PPP1R3D: variants seen among roughly 807,000 people sequenced by gnomAD.
The protein encoded by PPP1R3D is protein phosphatase 1 regulatory subunit 3D.
In PPP1R3D, 27 loss-of-function variants were observed where a neutral mutation model predicts 16.3. The observed-to-expected ratio is 1.66, with a 90% confidence interval of 1.22 to 2.29. The LOEUF (loss-of-function observed/expected upper bound fraction) is 2.29, where lower values mean the gene tolerates loss of function less well. PPP1R3D is among the 30% of genes most tolerant of loss of function. PPP1R3D has a pLI of 0.00. For synonymous variants in PPP1R3D, 223 were observed against 209.7 expected, an observed-to-expected ratio of 1.06 and a Z score of -0.55; for missense variants, 472 against 438.3, an observed-to-expected ratio of 1.08 and a Z score of -0.69.
chr20:59,939,868 G>T lies in PPP1R3D; in HGVS notation c.64C>A (p.Arg22=). The change falls in exon 1 of 1, where the codon CGG becomes AGG. Residue 22 remains arginine, a synonymous_variant. Transcript: ENST00000370996. ...AGGTCCGACAGGCAGCTGAGGCTCC[G>T]GGGGCCGAGCTTCCGGGATCCCAGG... The part of the protein sequence containing the change: ...SALGSRKLGP[R]SLSCLSDLDG... 1 of 1,246,810 alleles carries T rather than the reference G, an allele frequency of 8.0e-7. No homozygotes were observed. Among genetic ancestry groups the T allele is most frequent in the South Asian group, 3.9e-5 (1 of 25,932 alleles). The allele number at this position is 1,246,810 out of a possible 1,614,324, so 77.2% of individuals were successfully genotyped here. A position where few individuals can be genotyped will look rare whatever the true frequency, so the allele number is the denominator to read the frequency against.
In PPP1R3D at chr20:59,936,959, A is replaced by AT. The variant is rs1472771435; in HGVS notation, c.*2072dup. 1 of 152,682 alleles carries AT rather than the reference A, an allele frequency of 6.5e-6. No individual in the cohort carries two copies. Among genetic ancestry groups the AT allele is most frequent in the African/African-American group, 2.4e-5 (1 of 41,476 alleles). The allele number at this position is 152,682 out of a possible 1,614,324, so 9.5% of individuals were successfully genotyped here. On this transcript the variant is annotated 3_prime_UTR_variant, in exon 1 of 1. Coordinates refer to ENST00000370996, the MANE Select transcript of PPP1R3D (RefSeq NM_006242.4). The stretch of plus-strand genomic sequence containing the variant: ...TAGAAAATTTTAACATCTAAGTAAT[A>AT]TAACTGTTTTAGGGTCTGAAAGTTC...
At position 59,940,050 on chromosome 20, in the gene PPP1R3D, C is replaced by T. The variant is rs894960324; in HGVS notation, c.-119G>A. On this transcript the variant is annotated 5_prime_UTR_variant, in exon 1 of 1. Coordinates refer to ENST00000370996, the MANE Select transcript of PPP1R3D (RefSeq NM_006242.4). ...CACCGTATCTGCAACCTGCGGGGGA[C>T]CTCTCGGGCCCGGTGCGCCCTACCC... 2.9e-5 allele frequency: 25 copies of T among 855,248 alleles called. No homozygotes were observed. The highest frequency in any genetic ancestry group is 8.7e-5 in the Admixed American group (2 of 23,096). The allele number at this position is 855,248 out of a possible 1,614,324, so 53.0% of individuals were successfully genotyped here. A position where few individuals can be genotyped will look rare whatever the true frequency, so the allele number is the denominator to read the frequency against.
chr20:59,939,223 T>G lies in PPP1R3D; in HGVS notation c.709A>C (p.Thr237Pro). The change falls in exon 1 of 1, where the codon ACC (threonine) becomes CCC (proline). Residue 237 changes from threonine to proline, a missense_variant. Thr to Pro is a conservative substitution (Grantham distance 38). Transcript: ENST00000370996. Reference protein sequence around the residue: ...AGPEGTEDVFTFGFPVPPFLL... With the variant: ...AGPEGTEDVFPFGFPVPPFLL... ...AAGGGCGGTACTGGAAAGCCGAAGGTGAAAACGTCCTCCGTGCCCTCGGGG... is the reference window on the plus strand; with the variant it reads ...AAGGGCGGTACTGGAAAGCCGAAGGGGAAAACGTCCTCCGTGCCCTCGGGG... 2 of 1,610,608 alleles carry G rather than the reference T, an allele frequency of 1.2e-6. No homozygotes were observed. The highest frequency in any genetic ancestry group is 1.7e-6 in the Non-Finnish European group (2 of 1,178,242).
rs1730855190 is a variant in PPP1R3D, at chr20:59,939,656, C to A, written c.276G>T (p.Ala92=). 2.0e-6 allele frequency: 3 copies of A among 1,508,580 alleles called. No homozygotes were observed. The African/African-American group carries it at 4.3e-5, about 22-fold the overall frequency. 93.4% of individuals were successfully genotyped at this position (1,508,580 alleles called of 1,614,324 possible). A position where few individuals can be genotyped will look rare whatever the true frequency, so the allele number is the denominator to read the frequency against. Residue 92 remains alanine, a synonymous_variant, in exon 1 of 1, where the codon GCG becomes GCT. Transcript: ENST00000370996. ...RQKAAGAPGA[A]CRPGCSQKLR... The stretch of plus-strand genomic sequence containing the variant: ...GCTTCTGGCTGCAGCCCGGCCGACA[C>A]GCAGCGCCCGGCGCGCCCGCGGCCT...
Position 59,939,942 on chromosome 20 carries a change from G to A in PPP1R3D, c.-11C>T. The A allele has an allele frequency of 2.4e-6, 3 of 1,265,030 alleles. No homozygotes were observed. Among genetic ancestry groups the A allele is most frequent in the Non-Finnish European group, 3.0e-6 (3 of 999,454 alleles). The allele number at this position is 1,265,030 out of a possible 1,614,324, so 78.4% of individuals were successfully genotyped here. A position where few individuals can be genotyped will look rare whatever the true frequency, so the allele number is the denominator to read the frequency against. ...CGGGCCTCTGGACATGGCCCCGCCGGCCGTCGGAAGATGAGGCAGGGATGA... is the reference window on the plus strand; with the variant it reads ...CGGGCCTCTGGACATGGCCCCGCCGACCGTCGGAAGATGAGGCAGGGATGA... On this transcript the variant is annotated 5_prime_UTR_variant, in exon 1 of 1. Coordinates refer to ENST00000370996, the MANE Select transcript of PPP1R3D (RefSeq NM_006242.4).
Position 59,939,181 on chromosome 20 carries a change from AG to A in PPP1R3D, c.750del (p.Ser251ProfsTer88), listed in dbSNP as rs777164500. The A allele has an allele frequency of 1.2e-6, 2 of 1,608,982 alleles. No individual in the cohort carries two copies. Among genetic ancestry groups the A allele is most frequent in the Admixed American group, 3.3e-5 (2 of 59,870 alleles). ...FPVPPFLLEL[G>X]SRVHFAVRYQ... ...TAGCGCACCGCGAAGTGCACGCGGG[AG>A]CCGAGCTCCAGCAGGAAGGGCGGTA... On this transcript the variant is annotated frameshift_variant, in exon 1 of 1. Transcript: ENST00000370996. LOFTEE classifies it high-confidence loss of function.
chr20:59,936,904 G>T lies in PPP1R3D; in HGVS notation c.*2128C>A, dbSNP rs564363978. 6 of 152,552 alleles carry T rather than the reference G, an allele frequency of 3.9e-5. No homozygotes were observed. The highest frequency in any genetic ancestry group is 1.4e-4 in the African/African-American group (6 of 41,524). 9.4% of individuals were successfully genotyped at this position (152,552 alleles called of 1,614,324 possible). On this transcript the variant is annotated 3_prime_UTR_variant, in exon 1 of 1. Transcript: ENST00000370996. The stretch of plus-strand genomic sequence containing the variant: ...TAAATAACATATTAAAATATGTTTG[G>T]GGGGACAACCCAGCAATTGCACAGC...
rs1215569860 is a variant in PPP1R3D at position 59,940,197 on chromosome 20, G to C, written c.-266C>G. ...CTTTCAGAGGCCTCCCGGGAGCGCA[G>C]GGTAGCGCCTCTTTTTTCTTCTTGC... On this transcript the variant is annotated 5_prime_UTR_variant, in exon 1 of 1. Coordinates refer to ENST00000370996, the MANE Select transcript of PPP1R3D (RefSeq NM_006242.4). 1 of 357,040 alleles carries C rather than the reference G, an allele frequency of 2.8e-6. No homozygotes were observed. Among genetic ancestry groups the C allele is most frequent in the East Asian group, 4.4e-5 (1 of 22,684 alleles). 22.1% of individuals were successfully genotyped at this position (357,040 alleles called of 1,614,324 possible). A position where few individuals can be genotyped will look rare whatever the true frequency, so the allele number is the denominator to read the frequency against.
At position 59,939,683 on chromosome 20, in the gene PPP1R3D, C is replaced by T. The variant is rs747882925; in HGVS notation, c.249G>A (p.Gln83=). The change falls in exon 1 of 1, where the codon CAG becomes CAA. Residue 83 remains glutamine (Q), a synonymous_variant. Transcript: ENST00000370996. ...RSLPSSPERR[Q]KAAGAPGAAC... Reference sequence around the variant, plus strand: ...CAGCGCCCGGCGCGCCCGCGGCCTTCTGGCGGCGCTCGGGGGAGCTGGGCA... The same window carrying T: ...CAGCGCCCGGCGCGCCCGCGGCCTTTTGGCGGCGCTCGGGGGAGCTGGGCA... 2.1e-6 allele frequency: 3 copies of T among 1,435,244 alleles called. No individual in the cohort carries two copies. Among genetic ancestry groups the T allele is most frequent in the Middle Eastern group, 2.2e-4 (1 of 4,646 alleles). 88.9% of individuals were successfully genotyped at this position (1,435,244 alleles called of 1,614,324 possible).
Position 59,939,728 on chromosome 20 carries a change from G to T in PPP1R3D, c.204C>A (p.Ile68=). ...SGCDPRLRPI[I]LRRARSLPSS... ...TGGGCAGTGAGCGCGCCCGCCGCAG[G>T]ATGATGGGCCGCAGGCGGGGGTCGC... The change falls in exon 1 of 1, where the codon ATC becomes ATA. Residue 68 remains isoleucine (I), a synonymous_variant. Transcript: ENST00000370996. 1.6e-6 allele frequency: 2 copies of T among 1,258,010 alleles called. No individual in the cohort carries two copies. Among genetic ancestry groups the T allele is most frequent in the Non-Finnish European group, 2.0e-6 (2 of 1,004,140 alleles). The allele number at this position is 1,258,010 out of a possible 1,614,324, so 77.9% of individuals were successfully genotyped here.
chr20:59,939,704 G>C lies in PPP1R3D; in HGVS notation c.228C>G (p.Pro76=), dbSNP rs1305607394. ...PIILRRARSL[P]SSPERRQKAA... Reference sequence around the variant, plus strand: ...CCTTCTGGCGGCGCTCGGGGGAGCTGGGCAGTGAGCGCGCCCGCCGCAGGA... The same window carrying C: ...CCTTCTGGCGGCGCTCGGGGGAGCTCGGCAGTGAGCGCGCCCGCCGCAGGA... The change falls in exon 1 of 1, where the codon CCC becomes CCG. Residue 76 remains proline, a synonymous_variant. Coordinates refer to ENST00000370996, the MANE Select transcript of PPP1R3D (RefSeq NM_006242.4). 6 of 1,338,490 alleles carry C rather than the reference G, an allele frequency of 4.5e-6. No individual in the cohort carries two copies. The highest frequency in any genetic ancestry group is 4.1e-5 in the Admixed American group (1 of 24,188). The allele number at this position is 1,338,490 out of a possible 1,614,324, so 82.9% of individuals were successfully genotyped here.
At position 59,939,031 on chromosome 20, in the gene PPP1R3D, C is replaced by T; in HGVS notation, c.*1G>A. 6.6e-7 allele frequency: 1 copy of T among 1,520,444 alleles called. No individual in the cohort carries two copies. The highest frequency in any genetic ancestry group is 8.8e-7 in the Non-Finnish European group (1 of 1,136,038). 94.2% of individuals were successfully genotyped at this position (1,520,444 alleles called of 1,614,324 possible). On this transcript the variant is annotated 3_prime_UTR_variant, in exon 1 of 1. Transcript: ENST00000370996. ...CTCCAGGTGGCCGGTCCCCGCGCGG[C>T]TCAGATGAAGTGGATCCAGCTCTCT...
In PPP1R3D at chr20:59,939,513, T is replaced by C; in HGVS notation, c.419A>G (p.Asp140Gly). 6.2e-7 allele frequency: 1 copy of C among 1,611,968 alleles called. No individual in the cohort carries two copies. The highest frequency in any genetic ancestry group is 8.5e-7 in the Non-Finnish European group (1 of 1,179,642). The change falls in exon 1 of 1, where the codon GAC (aspartate) becomes GGC (glycine). Residue 140 changes from aspartate (D) to glycine (G), a missense_variant. Asp to Gly is a moderately conservative substitution (Grantham distance 94). Transcript: ENST00000370996. ...CAGGTCCTGGCTGCTGCAGCACAGGTCCGAGTTGATTGCGAGCCGCGACAG... is the reference window on the plus strand; with the variant it reads ...CAGGTCCTGGCTGCTGCAGCACAGGCCCGAGTTGATTGCGAGCCGCGACAG... ...HVLSRLAINSDLCCSSQDLEF... is the reference protein window; with the variant it reads ...HVLSRLAINSGLCCSSQDLEF...
Position 59,938,931 on chromosome 20 carries a change from G to T in PPP1R3D, c.*101C>A. 1 of 1,187,114 alleles carries T rather than the reference G, an allele frequency of 8.4e-7. No individual in the cohort carries two copies. The highest frequency in any genetic ancestry group is 1.1e-6 in the Non-Finnish European group (1 of 891,304). The allele number at this position is 1,187,114 out of a possible 1,614,324, so 73.5% of individuals were successfully genotyped here. A position where few individuals can be genotyped will look rare whatever the true frequency, so the allele number is the denominator to read the frequency against. Reference sequence around the variant, plus strand: ...AGAAAATTAGGTCAGAGGACTTGGAGGGTGGTGAAGAACAACCAGATAGAT... The same window carrying T: ...AGAAAATTAGGTCAGAGGACTTGGATGGTGGTGAAGAACAACCAGATAGAT... On this transcript the variant is annotated 3_prime_UTR_variant, in exon 1 of 1. Coordinates refer to ENST00000370996, the MANE Select transcript of PPP1R3D (RefSeq NM_006242.4).
In PPP1R3D at chr20:59,938,949, A is replaced by G; in HGVS notation, c.*83T>C. On this transcript the variant is annotated 3_prime_UTR_variant, in exon 1 of 1. Coordinates refer to ENST00000370996, the MANE Select transcript of PPP1R3D (RefSeq NM_006242.4). The stretch of plus-strand genomic sequence containing the variant: ...ACTTGGAGGGTGGTGAAGAACAACC[A>G]GATAGATGTGAGAGCCCAGCAGGGA... 1 of 1,345,892 alleles carries G rather than the reference A, an allele frequency of 7.4e-7. No individual in the cohort carries two copies. The highest frequency in any genetic ancestry group is 1.8e-5 in the South Asian group (1 of 56,238). 83.4% of individuals were successfully genotyped at this position (1,345,892 alleles called of 1,614,324 possible).
In PPP1R3D at chr20:59,939,583, T is replaced by C; in HGVS notation, c.349A>G (p.Lys117Glu). The C allele has an allele frequency of 6.2e-7, 1 of 1,608,282 alleles. No individual in the cohort carries two copies. Reference protein sequence around the residue: ...DALGLELAQVKVFNAGDDPSV... With the variant: ...DALGLELAQVEVFNAGDDPSV... ...GGGTCGTCTCCCGCGTTGAACACCT[T>C]GACCTGTGCCAGCTCCAAGCCCAGG... Residue 117 changes from lysine (K) to glutamate (E), a missense_variant, in exon 1 of 1, where the codon AAG becomes GAG. Coordinates refer to ENST00000370996, the MANE Select transcript of PPP1R3D (RefSeq NM_006242.4).
At position 59,940,128 on chromosome 20, in the gene PPP1R3D, G is replaced by A. The variant is rs571619099; in HGVS notation, c.-197C>T. 1.4e-4 allele frequency: 60 copies of A among 422,752 alleles called. No homozygotes were observed. The highest frequency in any genetic ancestry group is 9.8e-4 in the Admixed American group (22 of 22,490). The allele number at this position is 422,752 out of a possible 1,614,324, so 26.2% of individuals were successfully genotyped here. ...CTTGTCCAGGTCCTCCGCTTCTTGC[G>A]GTTAAAGAAATTGTAAGAGTGGGGA... On this transcript the variant is annotated 5_prime_UTR_variant, in exon 1 of 1. Coordinates refer to ENST00000370996, the MANE Select transcript of PPP1R3D (RefSeq NM_006242.4).
At position 59,938,850 on chromosome 20, in the gene PPP1R3D, G is replaced by A; in HGVS notation, c.*182C>T. ...CCTGAGGCTACTTTTTAGACCAAGT[G>A]ACTCAGACGTTTCAAGTAGAAGACA... On this transcript the variant is annotated 3_prime_UTR_variant, in exon 1 of 1. Transcript: ENST00000370996. The A allele has an allele frequency of 3.9e-6, 2 of 506,954 alleles. No homozygotes were observed. The highest frequency in any genetic ancestry group is 3.2e-6 in the Non-Finnish European group (1 of 312,998). 31.4% of individuals were successfully genotyped at this position (506,954 alleles called of 1,614,324 possible).
Position 59,937,240 on chromosome 20 carries a change from T to G in PPP1R3D, c.*1792A>C, listed in dbSNP as rs934312741. On this transcript the variant is annotated 3_prime_UTR_variant, in exon 1 of 1. Transcript: ENST00000370996. The stretch of plus-strand genomic sequence containing the variant: ...TGGACAACTGTCTTGCTCTCTGTTT[T>G]GGGGCCAGGGGCGTAGCAGTGAAGG... 2.0e-5 allele frequency: 3 copies of G among 152,668 alleles called. No individual in the cohort carries two copies. The highest frequency in any genetic ancestry group is 4.4e-5 in the Non-Finnish European group (3 of 68,048). 9.5% of individuals were successfully genotyped at this position (152,668 alleles called of 1,614,324 possible).
Sources: gnomAD v4.1 joint callset for allele counts on GRCh38, gnomAD v4.1.1 for gene constraint, MANE v1.5 for transcripts, NCBI Gene and HGNC (gene_info 2026-07-23, HGNC 2026-07-21) for gene names.